BNC2: variants seen among roughly 807,000 people sequenced by gnomAD.
The protein encoded by BNC2 is basonuclin zinc finger protein 2.
Under a neutral mutation model 76.3 loss-of-function variants are expected in BNC2, and 20 were observed. The ratio of observed to expected loss-of-function variants is 0.26; its 90% CI spans 0.18 to 0.38. The LOEUF is 0.38. Ranked by LOEUF, BNC2 falls within the 10% of genes least tolerant of loss-of-function variation. The pLI, the probability that BNC2 is intolerant of heterozygous loss-of-function variation, is 1.00. For missense variants in BNC2, 1,382 were observed against 1,399.8 expected (o/e 0.99, Z 0.20); for synonymous variants, 582 against 514.8 (o/e 1.13, Z -1.77).
chr9:16,580,967 G>C (rs996659726), intron 4 of BNC2, among the ~76,000 whole-genome samples: 2 of 152,124 alleles, frequency 1.3e-5, no homozygotes, highest in Non-Finnish European at 2.9e-5. Flanking sequence ...CCTCAGAACA[G>C]TCTACAACCA....
intron 5 of BNC2, among the ~76,000 whole-genome samples, chr9:16,532,513 T>G (rs1818013417): frequency 6.6e-6 from 1 of 152,196 alleles, no homozygotes; most frequent in East Asian, 1.9e-4. Context: ...AATGGTTTTG[T>G]GCAGTAGTGT....
chr9:16,635,466 C>T (rs1357599212), intron 3 of BNC2, among the ~76,000 whole-genome samples: 6 of 152,058 alleles, frequency 3.9e-5, no homozygotes, highest in Admixed American at 3.3e-4. Context: ...CTTTTGAATA[C>T]CTTGATAACA....
intron 5 of BNC2, among the ~76,000 whole-genome samples, chr9:16,478,116 C>T (rs371188530): frequency 1.3e-5 from 2 of 152,226 alleles, no homozygotes; most frequent in African/African-American, 4.8e-5. Flanking sequence ...TGTTCTATGT[C>T]TTTCCTTCCA....
chr9:16,815,573 G>A (rs1025629367), intron 1 of BNC2, among the ~76,000 whole-genome samples: 1 of 152,200 alleles, frequency 6.6e-6, no homozygotes, highest in African/African-American at 2.4e-5. Flanking sequence ...TTCAGCCTTT[G>A]GTGATGAGTG....
intron 1 of BNC2, among the ~76,000 whole-genome samples, chr9:16,749,816 A>G (rs1825133006): frequency 6.6e-6 from 1 of 152,234 alleles, no homozygotes; most frequent in Non-Finnish European, 1.5e-5. Context: ...CAAACTGTAG[A>G]GGCCTTGAAA....
intron 1 of BNC2, among the ~76,000 whole-genome samples, chr9:16,749,289 C>A (rs1054270514): frequency 1.3e-5 from 2 of 152,132 alleles, no homozygotes; most frequent in African/African-American, 2.4e-5. Flanking sequence ...CAAATCAGTA[C>A]ACGTGTTGTT....
intron 3 of BNC2, among the ~76,000 whole-genome samples, chr9:16,628,830 T>A (rs17739929): frequency 6.6e-6 from 1 of 152,164 alleles, no homozygotes; most frequent in Non-Finnish European, 1.5e-5. Context: ...TGGATAATCA[T>A]TGCTGTTAAA....
At chr9:16,567,448 T>C (rs1022149106) in intron 4 of BNC2, among the ~76,000 whole-genome samples, 1 of 152,160 alleles carries the variant, frequency 6.6e-6, no homozygotes, top group African/African-American at 2.4e-5. Context: ...AACACATCTA[T>C]CACATGAAAT....
At chr9:16,845,619 G>A (rs561645688) in intron 1 of BNC2, among the ~76,000 whole-genome samples, 20 of 152,268 alleles carry the variant, frequency 1.3e-4, no homozygotes, top group South Asian at 6.2e-4. Flanking sequence ...TACTTGGGAG[G>A]CCGAGGCAGG....
intron 1 of BNC2, among the ~76,000 whole-genome samples, chr9:16,803,793 C>T (rs1563950534): frequency 1.3e-5 from 2 of 152,184 alleles, no homozygotes; most frequent in Admixed American, 6.5e-5. Context: ...CCCTGGCACT[C>T]GAGTGGGCAA....
chr9:16,639,480 G>A (rs533125902), intron 3 of BNC2, among the ~76,000 whole-genome samples: 1 of 152,236 alleles, frequency 6.6e-6, no homozygotes, highest in African/African-American at 2.4e-5. Context: ...ACTGTTGAAT[G>A]CTACCACTAT....
chr9:16,490,947 G>C (rs1009211044), intron 5 of BNC2, among the ~76,000 whole-genome samples: 18 of 152,268 alleles, frequency 1.2e-4, no homozygotes, highest in African/African-American at 4.3e-4. Context: ...AGGACTTTTA[G>C]GACATGAATC....
chr9:16,809,965 G>A (rs1202817771), intron 1 of BNC2, among the ~76,000 whole-genome samples: 1 of 151,990 alleles, frequency 6.6e-6, no homozygotes, highest in African/African-American at 2.4e-5. Flanking sequence ...GTCCATTGAT[G>A]GTCCTGATGA....
chr9:16,570,249 G>A (rs558858942), intron 4 of BNC2, among the ~76,000 whole-genome samples: 25 of 152,290 alleles, frequency 1.6e-4, no homozygotes, highest in African/African-American at 6.0e-4. Context: ...TAAAAAGCCA[G>A]CATCTGGTAG....
At chr9:16,482,287 T>C (rs1198737543) in intron 5 of BNC2, among the ~76,000 whole-genome samples, 5 of 152,170 alleles carry the variant, frequency 3.3e-5, no homozygotes, top group African/African-American at 7.2e-5. Flanking sequence ...AATGACTAAA[T>C]AGTACTACAG....
chr9:16,852,132 T>C (rs1193399408), intron 1 of BNC2, among the ~76,000 whole-genome samples: 1 of 152,164 alleles, frequency 6.6e-6, no homozygotes, highest in Non-Finnish European at 1.5e-5. Flanking sequence ...TACATTTTGC[T>C]TTAAACAAAG....
chr9:16,561,374 C>T (rs906544495), intron 4 of BNC2, among the ~76,000 whole-genome samples: 3 of 152,228 alleles, frequency 2.0e-5, no homozygotes, highest in African/African-American at 7.2e-5. Flanking sequence ...GTGAAGAGAG[C>T]AGGGCATTTT....
At chr9:16,627,121 G>C (rs1821020788) in intron 3 of BNC2, among the ~76,000 whole-genome samples, 1 of 152,138 alleles carries the variant, frequency 6.6e-6, no homozygotes, top group Admixed American at 6.5e-5. Flanking sequence ...AGACAGACCT[G>C]GTTCTAATTC....
chr9:16,510,925 A>T (rs1409413907), intron 5 of BNC2, among the ~76,000 whole-genome samples: 1 of 152,158 alleles, frequency 6.6e-6, no homozygotes, highest in East Asian at 1.9e-4. Flanking sequence ...AGATGACCTC[A>T]ATATGCAATT....
Sources: gnomAD v4.1 joint callset for allele counts (sites outside exome capture counted in the v4.1 genomes callset) on GRCh38, gnomAD v4.1.1 for gene constraint, MANE v1.5 for transcripts, NCBI Gene and HGNC (gene_info 2026-07-23, HGNC 2026-07-21) for gene names.